Variants in HEATR5B observed in about 807,000 individuals in gnomAD.
The protein encoded by HEATR5B is HEAT repeat containing 5B, also known as HEAT repeat-containing protein 5B.
A neutral mutation model predicts 224.1 loss-of-function variants in HEATR5B; 156 were observed. That is an observed-to-expected ratio of 0.70 (90% CI 0.61 to 0.80). The LOEUF (loss-of-function observed/expected upper bound fraction) is 0.80. Ranked by LOEUF, HEATR5B falls within the 30% of genes least tolerant of loss-of-function variation. The pLI, the probability that HEATR5B is intolerant of heterozygous loss-of-function variation, is 0.00. For synonymous variants in HEATR5B, 1,027 were observed against 893.0 expected, an observed-to-expected ratio of 1.15 and a Z score of -2.68; for missense variants, 2,323 against 2,535.5, an observed-to-expected ratio of 0.92 and a Z score of 1.80.
At chr2:37,053,142 C>G (rs918562036) in intron 17 of HEATR5B, among the ~76,000 whole-genome samples, 5 of 152,208 alleles carry the variant, frequency 3.3e-5, no homozygotes, top group African/African-American at 1.2e-4. Flanking sequence ...TTATGTAACA[C>G]TGCCTCACAT....
At position 37,075,454 on chromosome 2, in the gene HEATR5B, G is replaced by C. The variant is rs1321253308; in HGVS notation, c.597+31C>G. ...ACTGTTTAAGAGCAAGAAGGATAAAGAGCAGTATTCTAAATTGGTCGAGTA... is the reference window on the plus strand; with the variant it reads ...ACTGTTTAAGAGCAAGAAGGATAAACAGCAGTATTCTAAATTGGTCGAGTA... On this transcript the variant is annotated intron_variant, in intron 5 of 35. Transcript: ENST00000233099. 5 of 1,550,906 alleles carry C rather than the reference G, an allele frequency of 3.2e-6. No individual in the cohort carries two copies. In the East Asian group the frequency reaches 9.3e-5, roughly 29 times the overall value.
intron 26 of HEATR5B, among the ~76,000 whole-genome samples, chr2:37,017,844 A>C (rs1293017763): frequency 6.6e-6 from 1 of 152,216 alleles, no homozygotes; most frequent in African/African-American, 2.4e-5. Flanking sequence ...GAATGAATGT[A>C]CATTTTAAAA....
intron 14 of HEATR5B, among the ~76,000 whole-genome samples, chr2:37,057,981 T>C (rs1671019906): frequency 6.6e-6 from 1 of 152,208 alleles, no homozygotes; most frequent in South Asian, 2.1e-4. Flanking sequence ...AAGAAATCAA[T>C]AGTTTATTTT....
rs558391814 is a variant in HEATR5B at position 37,066,719 on chromosome 2, T to TA, written c.1178-810dup. Among the ~76,000 whole-genome samples the TA allele has an allele frequency of 3.6e-4, 55 of 151,654 alleles. No homozygotes were observed. In the Middle Eastern group the frequency reaches 0.014, roughly 38 times the overall value. On this transcript the variant is annotated intron_variant, in intron 8 of 35. Transcript: ENST00000233099. ...TATATTTAATTCTGCTTTCAGGATT[T>TA]AAAAAAAAATCAAATAACGAATTTA... is the stretch of plus-strand genomic sequence containing the variant.
At chr2:37,081,292 A>T (rs1380317103) in intron 2 of HEATR5B, among the ~76,000 whole-genome samples, 1 of 152,200 alleles carries the variant, frequency 6.6e-6, no homozygotes, top group Admixed American at 6.5e-5. Context: ...ACATATGTAT[A>T]CATGTGCCAT....
intron 30 of HEATR5B, among the ~76,000 whole-genome samples, chr2:37,004,984 T>C (rs962441050): frequency 2.6e-5 from 4 of 152,188 alleles, no homozygotes; most frequent in Non-Finnish European, 4.4e-5. Flanking sequence ...TTCTGAAATA[T>C]AAAGTTAGTT....
chr2:37,052,080 T>G (rs1267167168), intron 17 of HEATR5B, among the ~76,000 whole-genome samples: 1 of 152,124 alleles, frequency 6.6e-6, no homozygotes, highest in Non-Finnish European at 1.5e-5. Context: ...TATATATCCT[T>G]TTTCCCTGAT....
At position 37,083,760 on chromosome 2, in the gene HEATR5B, G is replaced by T. The variant is rs141292341; in HGVS notation, c.-22-324C>A. ...CCGTTCTATAAATGAAAAAACTGAA[G>T]CACTAAGATCAAACACCCCAGCCGG... On this transcript the variant is annotated intron_variant, in intron 1 of 35. Coordinates refer to ENST00000233099, the MANE Select transcript of HEATR5B (RefSeq NM_019024.3). Among the ~76,000 whole-genome samples the T allele has an allele frequency of 6.2e-4, 94 of 152,282 alleles. No individual in the cohort carries two copies. In the East Asian group the frequency reaches 0.016, roughly 26 times the overall value.
In HEATR5B at chr2:37,028,005, T is replaced by C. The variant is rs761155570; in HGVS notation, c.3771A>G (p.Arg1257=). 1 of 1,614,140 alleles carries C rather than the reference T, an allele frequency of 6.2e-7. No individual in the cohort carries two copies. The highest frequency in any genetic ancestry group is 1.1e-5 in the South Asian group (1 of 91,086). Residue 1257 remains arginine, a synonymous_variant, in exon 24 of 36, where the codon CGA becomes CGG. Transcript: ENST00000233099. The part of the protein sequence containing the change: ...TRVFAADCLC[R]IINLCENADQ... ...CTGCATTCTCACACAAATTGATGAT[T>C]CGACACAGGCAATCGGCAGCAAATA...
intron 18 of HEATR5B, among the ~76,000 whole-genome samples, chr2:37,046,290 T>G (rs191524057): frequency 6.6e-4 from 101 of 152,234 alleles, no homozygotes; most frequent in Admixed American, 1.8e-3. Flanking sequence ...TTTCAAAACT[T>G]TATTAAAACT....
At chr2:37,002,832 CATGTT>C (rs1558714841) in intron 31 of HEATR5B, among the ~76,000 whole-genome samples, 1 of 152,144 alleles carries the variant, frequency 6.6e-6, no homozygotes, top group African/African-American at 2.4e-5. Context: ...AGGAATAACA[CATGTT>C]AGGTTGAACC....
intron 35 of HEATR5B, among the ~76,000 whole-genome samples, chr2:36,984,381 T>TA (rs1341505625): frequency 6.6e-6 from 1 of 151,490 alleles, no homozygotes; most frequent in African/African-American, 2.4e-5. Flanking sequence ...ATAGAACAAT[T>TA]AGAGTACTAA....
In HEATR5B at chr2:37,011,259, G is replaced by T. The variant is rs533573297; in HGVS notation, c.4285-2411C>A. Among the ~76,000 whole-genome samples, 281 of 152,296 alleles carry T rather than the reference G, an allele frequency of 1.8e-3. 1 individual carries two copies. The Middle Eastern group carries it at 0.041, about 22-fold the overall frequency. ...GCTCATAGGCAGAGATGGAAAGGGA[G>T]CTTACAGGCAGAGGGAACAGCCAGA... On this transcript the variant is annotated intron_variant, in intron 27 of 35. Coordinates refer to ENST00000233099, the MANE Select transcript of HEATR5B (RefSeq NM_019024.3).
intron 20 of HEATR5B, among the ~76,000 whole-genome samples, chr2:37,039,981 GA>G (rs1430900296): frequency 1.3e-5 from 2 of 152,144 alleles, no homozygotes; most frequent in Non-Finnish European, 2.9e-5. Context: ...CTAATCCTTA[GA>G]GTTCAAAAAA....
intron 14 of HEATR5B, 37 bp from the exon 15 acceptor site, chr2:37,057,517 A>G: frequency 1.4e-6 from 2 of 1,456,898 alleles, no homozygotes; most frequent in Non-Finnish European, 1.9e-6. Context: ...TAAAAAGAAT[A>G]ATTTTTGTGA....
intron 27 of HEATR5B, among the ~76,000 whole-genome samples, chr2:37,009,784 T>A (rs1299599556): frequency 6.7e-6 from 1 of 150,236 alleles, no homozygotes; most frequent in Non-Finnish European, 1.5e-5. Flanking sequence ...CCTCCACTTT[T>A]TTTTTTTTTT....
intron 34 of HEATR5B, among the ~76,000 whole-genome samples, chr2:36,989,899 C>CTA (rs1553413396): frequency 1.1e-5 from 1 of 88,904 alleles, no homozygotes; most frequent in East Asian, 3.6e-4. Flanking sequence ...AGAATGTTTC[C>CTA]TTTTTTTTTT....
chr2:37,026,635 CTA>C (rs1393842828), intron 24 of HEATR5B, among the ~76,000 whole-genome samples: 1 of 152,126 alleles, frequency 6.6e-6, no homozygotes, highest in Non-Finnish European at 1.5e-5. Flanking sequence ...AGGGTATGGA[CTA>C]TGTTTTTTTC....
intron 5 of HEATR5B, among the ~76,000 whole-genome samples, chr2:37,075,144 C>A (rs1344758376): frequency 1.3e-5 from 2 of 151,992 alleles, no homozygotes; most frequent in Non-Finnish European, 2.9e-5. Flanking sequence ...TTGTAATAAT[C>A]AAAACTAGAA....
Sources: gnomAD v4.1 joint callset for allele counts (sites outside exome capture counted in the v4.1 genomes callset) on GRCh38, gnomAD v4.1.1 for gene constraint, MANE v1.5 for transcripts, NCBI Gene and HGNC (gene_info 2026-07-23, HGNC 2026-07-21) for gene names.